ADGRG4: variants seen among roughly 807,000 people sequenced by gnomAD.
ADGRG4 encodes the protein G protein-coupled receptor 112.
Under a neutral mutation model 126.2 loss-of-function variants are expected in ADGRG4, and 122 were observed. The observed-to-expected ratio is 0.97, with a 90% confidence interval of 0.83 to 1.12. The LOEUF (loss-of-function observed/expected upper bound fraction) is 1.12. ADGRG4 is among the 50% of genes most tolerant of loss of function. The pLI, the probability that ADGRG4 is intolerant of heterozygous loss-of-function variation, is 0.00. For missense variants in ADGRG4, 2,481 were observed against 2,251.8 expected (o/e 1.10, Z -2.06); for synonymous variants, 943 against 838.7 (o/e 1.12, Z -2.15).
chrX:136,402,740 G>A (rs2075385815), intron 21 of ADGRG4, among the ~76,000 whole-genome samples: 3 of 111,066 alleles, frequency 2.7e-5, no homozygotes, highest in South Asian at 7.6e-4. Flanking sequence ...GTTGTTAACC[G>A]GTCGATCTAG....
chrX:136,357,146 C>G (rs1416489146), intron 9 of ADGRG4, among the ~76,000 whole-genome samples: 1 of 111,898 alleles, frequency 8.9e-6, no homozygotes, highest in Non-Finnish European at 1.9e-5. Flanking sequence ...CTTTCAGTAA[C>G]AGGTGTAAAA....
chrX:136,318,186 A>G (rs754151961), intron 4 of ADGRG4, among the ~76,000 whole-genome samples: 2 of 112,777 alleles, frequency 1.8e-5, no homozygotes, highest in East Asian at 2.8e-4. Flanking sequence ...TGATACATCC[A>G]TATAATGAAT....
At chrX:136,342,739 A>G (rs1252768347) in intron 5 of ADGRG4, among the ~76,000 whole-genome samples, 5 of 108,539 alleles carry the variant, frequency 4.6e-5, no homozygotes, top group Non-Finnish European at 5.7e-5. Context: ...GAGGAAGACT[A>G]AAAAAAAACA....
Position 136,350,383 on chromosome X carries a change from C to T in ADGRG4, c.6677C>T (p.Ser2226Phe), listed in dbSNP as rs746417313. 1 of 1,210,547 alleles carries T rather than the reference C, an allele frequency of 8.3e-7. No individual in the cohort carries two copies. Among genetic ancestry groups the T allele is most frequent in the Admixed American group, 2.2e-5 (1 of 45,910 alleles). The part of the protein sequence containing the change: ...FETTWLDSTP[S>F]FLSTEASTSP... ...ACAACTTGGCTGGACTCCACACCTT[C>T]CTTTCTATCTACGGAAGCATCGACT... Residue 2226 changes from serine (S) to phenylalanine (F), a missense_variant, in exon 6 of 26, where the codon TCC (serine) becomes TTC (phenylalanine). Ser to Phe is a radical substitution (Grantham distance 155). Coordinates refer to ENST00000394143, the MANE Select transcript of ADGRG4 (RefSeq NM_153834.4).
chrX:136,324,619 T>C (rs1388798956), intron 5 of ADGRG4, among the ~76,000 whole-genome samples: 1 of 112,064 alleles, frequency 8.9e-6, no homozygotes, highest in Non-Finnish European at 1.9e-5. Flanking sequence ...TCATGGATTC[T>C]CATTTTATTC....
intron 23 of ADGRG4, among the ~76,000 whole-genome samples, chrX:136,411,829 A>T (rs1011416904): frequency 8.9e-6 from 1 of 112,823 alleles, no homozygotes; most frequent in African/African-American, 3.2e-5. Context: ...CAGGGATGCC[A>T]GGATGTCCTC....
intron 15 of ADGRG4, among the ~76,000 whole-genome samples, chrX:136,376,337 C>T (rs1162175409): frequency 1.8e-5 from 2 of 111,894 alleles, no homozygotes; most frequent in Non-Finnish European, 3.8e-5. Context: ...TAATATGATG[C>T]CTCCAGATTT....
chrX:136,311,858 T>A (rs1009377406), intron 4 of ADGRG4, among the ~76,000 whole-genome samples: 1 of 110,785 alleles, frequency 9.0e-6, no homozygotes. Flanking sequence ...TTTTAAAAAA[T>A]TTTATTTTTT....
rs755798418 is a variant in ADGRG4, at chrX:136,395,414, C to T, written c.8105C>T (p.Ser2702Leu). 8.3e-7 allele frequency: 1 copy of T among 1,199,668 alleles called. No homozygotes were observed. Among genetic ancestry groups the T allele is most frequent in the Non-Finnish European group, 1.1e-6 (1 of 885,540 alleles). Residue 2702 changes from serine to leucine, a missense_variant, in exon 19 of 26, where the codon TCA (serine) becomes TTA (leucine). By Grantham distance (145) the Ser-to-Leu change is moderately radical (BLOSUM62 -2). Transcript: ENST00000394143. ...GATGGGCTGGGTGGATGGAATTCGT[C>T]AGGCTGTAAAGTAAAGGAAACAAAT... is the stretch of plus-strand genomic sequence containing the variant. ...NNNGLGGWNS[S>L]GCKVKETNVN...
At chrX:136,406,120 G>C in intron 23 of ADGRG4, 148 bp downstream of exon 23, 1 of 597,303 alleles carries the variant, frequency 1.7e-6, no homozygotes, top group Non-Finnish European at 2.5e-6. Context: ...TTGCTCAGTG[G>C]TATAGGGAGA....
chrX:136,302,858 C>G (rs770825696), intron 1 of ADGRG4, among the ~76,000 whole-genome samples: 1 of 111,716 alleles, frequency 9.0e-6, no homozygotes, highest in East Asian at 2.8e-4. Flanking sequence ...GAGGTGGATA[C>G]CATCATCACC....
intron 15 of ADGRG4, among the ~76,000 whole-genome samples, chrX:136,383,854 CT>C (rs1310124945): frequency 1.2e-4 from 11 of 88,834 alleles, no homozygotes; most frequent in African/African-American, 3.0e-4. Context: ...TTCTTTCTTT[CT>C]TTCTTTCTTT....
intron 22 of ADGRG4, 105 bp from the exon 23 acceptor site, chrX:136,405,587 C>A: frequency 1.7e-6 from 1 of 601,868 alleles, no homozygotes; most frequent in Non-Finnish European, 2.4e-6. Flanking sequence ...TTCTCTAGGG[C>A]AGATGCCCTT....
chrX:136,410,394 A>G (rs1184341607), intron 23 of ADGRG4, among the ~76,000 whole-genome samples: 1 of 111,922 alleles, frequency 8.9e-6, no homozygotes, highest in Non-Finnish European at 1.9e-5. Context: ...AAACAAGGAC[A>G]GAATATGGCA....
chrX:136,322,885 G>A lies in ADGRG4; in HGVS notation c.178G>A (p.Asp60Asn), dbSNP rs150404107. The A allele has an allele frequency of 5.0e-6, 6 of 1,209,996 alleles. No homozygotes were observed. The highest frequency in any genetic ancestry group is 6.7e-6 in the Non-Finnish European group (6 of 895,066). ...ACTCAGCCGATTCACAGCATGCATT[G>A]ATCTGGTATTCATGGATGACAACTC... ...PELSRFTACI[D>N]LVFMDDNSRY... The change falls in exon 5 of 26, where the codon GAT (aspartate) becomes AAT (asparagine). Residue 60 changes from aspartate (D) to asparagine (N), a missense_variant. Coordinates refer to ENST00000394143, the MANE Select transcript of ADGRG4 (RefSeq NM_153834.4).
chrX:136,416,378 A>C (rs2075475454), intron 25 of ADGRG4, 76 bp from the exon 26 acceptor site: 3 of 795,838 alleles, frequency 3.8e-6, no homozygotes, highest in Non-Finnish European at 5.5e-6. Context: ...TCATTTGATA[A>C]AATTTTCTTA....
intron 15 of ADGRG4, among the ~76,000 whole-genome samples, chrX:136,384,749 C>A (rs1244303981): frequency 9.0e-5 from 10 of 110,618 alleles, no homozygotes; most frequent in Non-Finnish European, 9.5e-5. Flanking sequence ...TGTCATTTCA[C>A]TCTCTTCTGG....
chrX:136,345,373 C>T lies in ADGRG4; in HGVS notation c.1667C>T (p.Thr556Ile), dbSNP rs1188546301. 1.7e-6 allele frequency: 2 copies of T among 1,210,640 alleles called. No individual in the cohort carries two copies. Among genetic ancestry groups the T allele is most frequent in the Non-Finnish European group, 2.2e-6 (2 of 894,805 alleles). Residue 556 changes from threonine to isoleucine, a missense_variant, in exon 6 of 26, where the codon ACC becomes ATC. Physicochemically the swap from Thr to Ile is moderately conservative, Grantham distance 89. Transcript: ENST00000394143. ...ATGTCGAAAGAGACCTCCTCTAAGACCTTTTCTTTCTTAACATCCTTTTCA... is the reference window on the plus strand; with the variant it reads ...ATGTCGAAAGAGACCTCCTCTAAGATCTTTTCTTTCTTAACATCCTTTTCA... ...TSMSKETSSK[T>I]FSFLTSFSFT...
At chrX:136,386,245 C>T (rs1482284587) in intron 15 of ADGRG4, among the ~76,000 whole-genome samples, 3 of 111,532 alleles carry the variant, frequency 2.7e-5, no homozygotes, top group Middle Eastern at 4.2e-3. Flanking sequence ...AGCTACTTAG[C>T]CATATTGAAA....
Sources: gnomAD v4.1 joint callset for allele counts (sites outside exome capture counted in the v4.1 genomes callset) on GRCh38, gnomAD v4.1.1 for gene constraint, MANE v1.5 for transcripts, NCBI Gene and HGNC (gene_info 2026-07-23, HGNC 2026-07-21) for gene names.